The following KIAA1549L variants were observed in gnomAD, a reference collection of about 807,000 sequenced individuals.
KIAA1549L encodes the protein UPF0606 protein KIAA1549L.
KIAA1549L carries 88 observed loss-of-function variants against 160.7 expected under a neutral mutation model. The ratio of observed to expected loss-of-function variants is 0.55; its 90% CI spans 0.46 to 0.65. The LOEUF (loss-of-function observed/expected upper bound fraction) is 0.65, where lower values mean the gene tolerates loss of function less well. Among genes scored for constraint, KIAA1549L ranks in the 30% least tolerant of loss-of-function variants. The probability of loss-of-function intolerance (pLI) is 0.00; values close to 1 mark genes in which losing one functional copy is unlikely to be tolerated. For missense variants in KIAA1549L, 2,258 were observed against 2,437.5 expected (o/e 0.93, Z 1.55); for synonymous variants, 950 against 976.7 (o/e 0.97, Z 0.51).
At chr11:33,474,853 T>G (rs1231007762) in intron 1 of KIAA1549L, among the ~76,000 whole-genome samples, 1 of 152,260 alleles carries the variant, frequency 6.6e-6, no homozygotes, top group East Asian at 1.9e-4. Flanking sequence ...GTCATCTTCA[T>G]AAACACTCCA....
chr11:33,435,784 A>ATGTGTGTGTGTG (rs1180781136), intron 1 of KIAA1549L, among the ~76,000 whole-genome samples: 5 of 20,654 alleles, frequency 2.4e-4, no homozygotes, highest in African/African-American at 1.5e-3. Flanking sequence ...ATATATATAT[A>ATGTGTGTGTGTG]TATATATATA....
In KIAA1549L at chr11:33,421,300, G is replaced by A. The variant is rs1389056533; in HGVS notation, c.238+44411G>A. Among the ~76,000 whole-genome samples, 4 of 152,146 alleles carry A rather than the reference G, an allele frequency of 2.6e-5. No individual in the cohort carries two copies. In the East Asian group the frequency reaches 7.7e-4, roughly 29 times the overall value. ...ACTGGGGCTGTAGCAGTAGATTATGGGGTGGGGGTGAGCAGATCGGAGAGG... is the reference window on the plus strand; with the variant it reads ...ACTGGGGCTGTAGCAGTAGATTATGAGGTGGGGGTGAGCAGATCGGAGAGG... On this transcript the variant is annotated intron_variant, in intron 1 of 20. Transcript: ENST00000658780.
chr11:33,652,136 T>C (rs1218334441), intron 17 of KIAA1549L, among the ~76,000 whole-genome samples: 2 of 151,508 alleles, frequency 1.3e-5, no homozygotes, highest in Non-Finnish European at 1.5e-5. Flanking sequence ...ACAGCCAGCA[T>C]CGTGGCACTG....
At chr11:33,446,816 G>C (rs994437058) in intron 1 of KIAA1549L, among the ~76,000 whole-genome samples, 2 of 151,978 alleles carry the variant, frequency 1.3e-5, no homozygotes, top group African/African-American at 4.8e-5. Flanking sequence ...TTTTGAGCAA[G>C]TGATCCAAGT....
chr11:33,541,322 T>C (rs1280941859), intron 1 of KIAA1549L, among the ~76,000 whole-genome samples: 2 of 152,232 alleles, frequency 1.3e-5, no homozygotes, highest in Admixed American at 6.5e-5. Flanking sequence ...ATATGTTTCA[T>C]TGGAGCCATC....
At chr11:33,596,050 TG>T (rs1850190492) in intron 12 of KIAA1549L, among the ~76,000 whole-genome samples, 1 of 152,186 alleles carries the variant, frequency 6.6e-6, no homozygotes, top group Admixed American at 6.5e-5. Context: ...GTGTAGTGAT[TG>T]GCCGTGATTC....
intron 15 of KIAA1549L, 145 bp from the exon 16 acceptor site, chr11:33,618,388 T>C (rs1850875676): frequency 1.6e-6 from 1 of 638,722 alleles, no homozygotes; most frequent in African/African-American, 1.8e-5. Flanking sequence ...CTACAGCCCC[T>C]TATATCCTGG....
rs147263383 is a variant in KIAA1549L, at chr11:33,417,666, C to G, written c.238+40777C>G. Among the ~76,000 whole-genome samples the G allele has an allele frequency of 1.3e-5, 2 of 152,294 alleles. 1 individual carries two copies. Among genetic ancestry groups the G allele is most frequent in the Non-Finnish European group, 2.9e-5 (2 of 68,026 alleles). ...CATTTCTCACATCCTCGGGTTTCTG[C>G]TCAAATGTTCACTAGAGATTTCCTC... On this transcript the variant is annotated intron_variant, in intron 1 of 20. Transcript: ENST00000658780.
In KIAA1549L at chr11:33,447,305, A is replaced by G. The variant is rs78881897; in HGVS notation, c.238+70416A>G. Among the ~76,000 whole-genome samples the G allele has an allele frequency of 8.4e-3, 1,282 of 152,280 alleles. 21 individuals carry two copies. The highest frequency in any genetic ancestry group is 0.03 in the African/African-American group (1,235 of 41,536). On this transcript the variant is annotated intron_variant, in intron 1 of 20. Coordinates refer to ENST00000658780, the MANE Select transcript of KIAA1549L (RefSeq NM_012194.3). ...GGGCAAGAAGATAAGTAAGATGATG[A>G]TGTGAGTAATGACCTACCTATATGA...
At chr11:33,631,379 T>G (rs1163731218) in intron 16 of KIAA1549L, among the ~76,000 whole-genome samples, 1 of 152,182 alleles carries the variant, frequency 6.6e-6, no homozygotes, top group African/African-American at 2.4e-5. Flanking sequence ...CATGCATCAC[T>G]CCGCCTGGAA....
chr11:33,415,904 G>A (rs899218495), intron 1 of KIAA1549L, among the ~76,000 whole-genome samples: 5 of 151,858 alleles, frequency 3.3e-5, no homozygotes, highest in South Asian at 2.1e-4. Context: ...CGTGATCTCG[G>A]TTCACTGCAA....
intron 8 of KIAA1549L, among the ~76,000 whole-genome samples, chr11:33,564,040 C>A (rs1018445377): frequency 1.3e-5 from 2 of 152,118 alleles, no homozygotes; most frequent in African/African-American, 2.4e-5. Flanking sequence ...TTATGAAACC[C>A]TTATTTGTTA....
chr11:33,660,899 C>T lies in KIAA1549L; in HGVS notation c.6044C>T (p.Ala2015Val). 5 of 1,613,882 alleles carry T rather than the reference C, an allele frequency of 3.1e-6. No homozygotes were observed. Among genetic ancestry groups the T allele is most frequent in the Non-Finnish European group, 4.2e-6 (5 of 1,179,848 alleles). The change falls in exon 20 of 21, where the codon GCC becomes GTC. Residue 2015 changes from alanine to valine, a missense_variant. Physicochemically the swap from Ala to Val is moderately conservative, Grantham distance 64. This residue lies in a region of KIAA1549L where 1,359 missense variants were observed against 1,546.6 expected (regional missense o/e 0.88). Transcript: ENST00000658780. ...CCAGCAGTGTTCGCCATCCCAGCTG[C>T]CAACAGACCTGGCTTCACCGGCTAC... Reference protein sequence around the residue: ...TVPAVFAIPAANRPGFTGYFI... With the variant: ...TVPAVFAIPAVNRPGFTGYFI...
At chr11:33,423,092 T>C (rs548875390) in intron 1 of KIAA1549L, among the ~76,000 whole-genome samples, 14 of 152,350 alleles carry the variant, frequency 9.2e-5, no homozygotes, top group African/African-American at 2.6e-4. Context: ...TGTGAAAATA[T>C]GCGAGGACTT....
intron 8 of KIAA1549L, among the ~76,000 whole-genome samples, chr11:33,566,819 T>C (rs962165251): frequency 6.6e-6 from 1 of 152,238 alleles, no homozygotes; most frequent in Non-Finnish European, 1.5e-5. Flanking sequence ...GTGGATGATA[T>C]CGATGATCCT....
At chr11:33,521,396 C>T (rs1853490188) in intron 1 of KIAA1549L, among the ~76,000 whole-genome samples, 1 of 152,172 alleles carries the variant, frequency 6.6e-6, no homozygotes, top group Non-Finnish European at 1.5e-5. Context: ...TTTTCTGTGC[C>T]TGCATCTGCA....
At chr11:33,466,179 C>T (rs1057196542) in intron 1 of KIAA1549L, among the ~76,000 whole-genome samples, 1 of 151,984 alleles carries the variant, frequency 6.6e-6, no homozygotes, top group Admixed American at 6.6e-5. Flanking sequence ...TCAGAGTGAA[C>T]AGGCAACCTA....
chr11:33,633,080 A>G (rs1296578406), intron 16 of KIAA1549L, among the ~76,000 whole-genome samples: 2 of 134,244 alleles, frequency 1.5e-5, no homozygotes, highest in African/African-American at 5.6e-5. Flanking sequence ...GGTTCAGGCG[A>G]TTCTCCTGTC....
intron 11 of KIAA1549L, among the ~76,000 whole-genome samples, chr11:33,586,536 T>C (rs561865564): frequency 6.6e-6 from 1 of 152,318 alleles, no homozygotes; most frequent in East Asian, 1.9e-4. Flanking sequence ...TTTCTAGTTT[T>C]TCCCTTCATA....
Sources: allele counts gnomAD v4.1 joint callset (sites outside exome capture counted in the v4.1 genomes callset), GRCh38; gene constraint gnomAD v4.1.1; regional missense constraint gnomAD v4.1.1; transcripts MANE v1.5; gene names NCBI Gene and HGNC (gene_info 2026-07-23, HGNC 2026-07-21).